The following MAP2K6 variants were observed in gnomAD, a reference collection of about 807,000 sequenced individuals.
MAP2K6 encodes the protein mitogen-activated protein kinase kinase 6.
In MAP2K6, 16 loss-of-function variants were observed where a neutral mutation model predicts 53.7. That is an observed-to-expected ratio of 0.30 (90% CI 0.20 to 0.45). MAP2K6 has a LOEUF of 0.45. Ranked by LOEUF, MAP2K6 falls within the 20% of genes least tolerant of loss-of-function variation. MAP2K6 has a pLI of 1.00. For synonymous variants in MAP2K6, 132 were observed against 143.1 expected (o/e 0.92, Z 0.55); for missense variants, 204 against 411.9 (o/e 0.50, Z 4.37).
chr17:69,423,299 A>C (rs1056670069), intron 1 of MAP2K6, among the ~76,000 whole-genome samples: 1 of 152,200 alleles, frequency 6.6e-6, no homozygotes, highest in Admixed American at 6.5e-5. Context: ...ACGAAATTCA[A>C]ATTCAGCATC....
At chr17:69,509,984 A>G (rs564528985) in intron 2 of MAP2K6, among the ~76,000 whole-genome samples, 5 of 152,228 alleles carry the variant, frequency 3.3e-5, no homozygotes, top group Admixed American at 6.5e-5. Context: ...GTGGAACTAC[A>G]GGTACATGCC....
At chr17:69,505,209 A>G (rs1053061484) in intron 1 of MAP2K6, among the ~76,000 whole-genome samples, 2 of 152,052 alleles carry the variant, frequency 1.3e-5, no homozygotes, top group Non-Finnish European at 2.9e-5. Context: ...TGGGAGACCA[A>G]GGTCAGCGGA....
chr17:69,550,466 G>A lies in MAP2K6; in HGVS notation c.*8713G>A, dbSNP rs553830090. ...GAATGTACTTAGAAATACACTACAG[G>A]TCTTCACCAGATGAACTAGATTTTA... On this transcript the variant is annotated 3_prime_UTR_variant, in exon 12 of 12. Coordinates refer to ENST00000590474, the MANE Select transcript of MAP2K6 (RefSeq NM_002758.4). The A allele has an allele frequency of 2.6e-5, 4 of 152,254 alleles. No homozygotes were observed. Among genetic ancestry groups the A allele is most frequent in the African/African-American group, 4.8e-5 (2 of 41,554 alleles). 9.4% of individuals were successfully genotyped at this position (152,254 alleles called of 1,614,324 possible).
intron 1 of MAP2K6, among the ~76,000 whole-genome samples, chr17:69,492,698 G>A (rs1248176662): frequency 1.3e-5 from 2 of 152,086 alleles, no homozygotes; most frequent in East Asian, 1.9e-4. Context: ...TCCTCTCTGG[G>A]TGTGTCTACT....
At chr17:69,453,878 T>C (rs1055390486) in intron 1 of MAP2K6, among the ~76,000 whole-genome samples, 1 of 152,230 alleles carries the variant, frequency 6.6e-6, no homozygotes, top group Non-Finnish European at 1.5e-5. Context: ...GGCATCATTA[T>C]ATTTTAAAGC....
At chr17:69,506,301 CTTT>C (rs35772647) in intron 2 of MAP2K6, among the ~76,000 whole-genome samples, 96,842 of 151,556 alleles carry the variant, frequency 0.64, 31,335 homozygotes, top group African/African-American at 0.74. Flanking sequence ...TAAAGGAACA[CTTT>C]TTTTTTATTA....
chr17:69,534,686 C>T (rs193076619), intron 10 of MAP2K6, among the ~76,000 whole-genome samples: 117 of 152,156 alleles, frequency 7.7e-4, no homozygotes, highest in Non-Finnish European at 2.6e-4. Flanking sequence ...TGAGGCAGAG[C>T]TCACGTCACA....
intron 1 of MAP2K6, chr17:69,433,317 A>G (rs1265848914): frequency 6.6e-6 from 1 of 152,266 alleles, no homozygotes; most frequent in African/African-American, 2.4e-5. Flanking sequence ...TGTAAAACTC[A>G]TGCCTGGGCT....
chr17:69,515,387 C>G lies in MAP2K6; in HGVS notation c.84-1468C>G, dbSNP rs187642926. On this transcript the variant is annotated intron_variant, in intron 2 of 11. Transcript: ENST00000590474. ...GGCCAGGCTGGTCTCGAACTCCTGA[C>G]CTCAGGTGATCCGCCTGCCTCAGCC... is the stretch of plus-strand genomic sequence containing the variant. Among the ~76,000 whole-genome samples, 173 of 152,182 alleles carry G rather than the reference C, an allele frequency of 1.1e-3. 1 individual carries two copies. Among genetic ancestry groups the G allele is most frequent in the East Asian group, 7.7e-4 (4 of 5,172 alleles).
intron 10 of MAP2K6, 150 bp downstream of exon 10, chr17:69,526,859 C>A: frequency 1.1e-6 from 1 of 932,964 alleles, no homozygotes; most frequent in South Asian, 1.7e-5. Context: ...CAAAGATGAC[C>A]GTATCACACT....
chr17:69,526,905 G>A (rs1910805471), intron 10 of MAP2K6, among the ~76,000 whole-genome samples, 196 bp downstream of exon 10: 1 of 152,166 alleles, frequency 6.6e-6, no homozygotes, highest in African/African-American at 2.4e-5. Context: ...AAGTAGAGAA[G>A]TCTCATAAAT....
At chr17:69,525,345 G>A (rs750048679) in intron 9 of MAP2K6, among the ~76,000 whole-genome samples, 1 of 152,172 alleles carries the variant, frequency 6.6e-6, no homozygotes, top group Non-Finnish European at 1.5e-5. Context: ...GCTGTGCAAA[G>A]AATGCTAATG....
intron 7 of MAP2K6, among the ~76,000 whole-genome samples, chr17:69,523,303 A>G (rs1418517214): frequency 6.6e-6 from 1 of 152,240 alleles, no homozygotes; most frequent in African/African-American, 2.4e-5. Flanking sequence ...TCACAATTCT[A>G]CAAGGCATGA....
At chr17:69,529,757 C>T (rs976764395) in intron 10 of MAP2K6, among the ~76,000 whole-genome samples, 3 of 151,996 alleles carry the variant, frequency 2.0e-5, no homozygotes, top group African/African-American at 7.2e-5. Context: ...TGATCTGCCC[C>T]GCCTCAGCCT....
chr17:69,452,161 G>A (rs1255945244), intron 1 of MAP2K6, among the ~76,000 whole-genome samples: 1 of 151,480 alleles, frequency 6.6e-6, no homozygotes, highest in Non-Finnish European at 1.5e-5. Flanking sequence ...ACATCTGGAA[G>A]CAGTTTAGGT....
chr17:69,474,519 C>T (rs988126569), intron 1 of MAP2K6, among the ~76,000 whole-genome samples: 1 of 152,204 alleles, frequency 6.6e-6, no homozygotes. Context: ...GAGCCACACC[C>T]AAAAGCACAT....
chr17:69,547,115 G>T lies in MAP2K6; in HGVS notation c.*5362G>T, dbSNP rs1216229125. 1 of 151,466 alleles carries T rather than the reference G, an allele frequency of 6.6e-6. No individual in the cohort carries two copies. The highest frequency in any genetic ancestry group is 2.4e-5 in the African/African-American group (1 of 41,218). 9.4% of individuals were successfully genotyped at this position (151,466 alleles called of 1,614,324 possible). ...TAATTTGGGTACTATGGATTCTTTT[G>T]GGAATTTGTTGAAAGCTAGGACCTT... On this transcript the variant is annotated 3_prime_UTR_variant, in exon 12 of 12. Coordinates refer to ENST00000590474, the MANE Select transcript of MAP2K6 (RefSeq NM_002758.4).
chr17:69,518,748 T>C (rs1290005179), intron 4 of MAP2K6, among the ~76,000 whole-genome samples: 1 of 152,236 alleles, frequency 6.6e-6, no homozygotes, highest in African/African-American at 2.4e-5. Flanking sequence ...ATCTCTCCTA[T>C]CATTTAATGA....
rs549414944 is a variant in MAP2K6 at position 69,437,290 on chromosome 17, TAAG to T, written c.16+22293_16+22295del. Among the ~76,000 whole-genome samples, 377 of 152,310 alleles carry T rather than the reference TAAG, an allele frequency of 2.5e-3. 1 individual carries two copies. Among genetic ancestry groups the T allele is most frequent in the African/African-American group, 8.7e-3 (362 of 41,572 alleles). ...TAAGCTAGAGCAAAGAAAATGATAT[TAAG>T]AAAATCATCAGGAAGAGAAAATATA... On this transcript the variant is annotated intron_variant, in intron 1 of 11. Transcript: ENST00000590474.
Sources: gnomAD v4.1 joint callset for allele counts (sites outside exome capture counted in the v4.1 genomes callset) on GRCh38, gnomAD v4.1.1 for gene constraint, MANE v1.5 for transcripts, NCBI Gene and HGNC (gene_info 2026-07-23, HGNC 2026-07-21) for gene names.